Variants in AGBL3 observed in about 807,000 individuals in gnomAD.
The protein encoded by AGBL3 is AGBL carboxypeptidase 3, also known as cytosolic carboxypeptidase 3.
In AGBL3, 68 loss-of-function variants were observed where a neutral mutation model predicts 94.5. That is an observed-to-expected ratio of 0.72 (90% CI 0.59 to 0.88). The LOEUF (loss-of-function observed/expected upper bound fraction) is 0.88. Ranked by LOEUF, AGBL3 falls within the 40% of genes least tolerant of loss-of-function variation. The pLI, the probability that AGBL3 is intolerant of heterozygous loss-of-function variation, is 0.00. For synonymous variants in AGBL3, 354 were observed against 370.7 expected (o/e 0.95, Z 0.52); for missense variants, 934 against 1,103.8 (o/e 0.85, Z 2.18).
intron 5 of AGBL3, among the ~76,000 whole-genome samples, chr7:135,030,374 T>C (rs1312031405): frequency 6.6e-6 from 1 of 152,190 alleles, no homozygotes; most frequent in Non-Finnish European, 1.5e-5. Context: ...ATGATGGATT[T>C]ATTGGGTATA....
chr7:135,017,090 A>G lies in AGBL3; in HGVS notation c.349A>G (p.Thr117Ala). 3 of 1,551,046 alleles carry G rather than the reference A, an allele frequency of 1.9e-6. No homozygotes were observed. The highest frequency in any genetic ancestry group is 2.6e-6 in the Non-Finnish European group (3 of 1,146,106). Residue 117 changes from threonine (T) to alanine (A), a missense_variant, in exon 5 of 17, where the codon ACG (threonine) becomes GCG (alanine). By Grantham distance (58) the Thr-to-Ala change is moderately conservative (BLOSUM62 0). Coordinates refer to ENST00000436302, the MANE Select transcript of AGBL3 (RefSeq NM_178563.4). ...PSCPEPVYIP[T>A]GLETEPLYPD... ...TTGTCCTGAGCCAGTGTATATCCCA[A>G]CGGGCTTAGAAACGGAACCCCTTTA...
chr7:135,102,397 AAT>A (rs1281955815), intron 15 of AGBL3, among the ~76,000 whole-genome samples: 3 of 152,196 alleles, frequency 2.0e-5, no homozygotes, highest in Non-Finnish European at 1.5e-5. Flanking sequence ...ATTCTTAAAA[AAT>A]GTTAATAATA....
intron 4 of AGBL3, among the ~76,000 whole-genome samples, chr7:134,997,682 G>A (rs971312974): frequency 6.6e-6 from 1 of 152,138 alleles, no homozygotes; most frequent in African/African-American, 2.4e-5. Flanking sequence ...CATAGCCCAA[G>A]GTCCCAGGTA....
rs112820032 is a variant in AGBL3, at chr7:135,119,527, T to C, written c.2342+3916T>C. On this transcript the variant is annotated intron_variant, in intron 16 of 16. Coordinates refer to ENST00000436302, the MANE Select transcript of AGBL3 (RefSeq NM_178563.4). Reference sequence around the variant, plus strand: ...TTACAGGCATGAGCCACCATGCCCATTCCCCAAAATTTAACTTCTGAAAAT... The same window carrying C: ...TTACAGGCATGAGCCACCATGCCCACTCCCCAAAATTTAACTTCTGAAAAT... Among the ~76,000 whole-genome samples, 320 of 149,262 alleles carry C rather than the reference T, an allele frequency of 2.1e-3. 1 individual carries two copies. Among genetic ancestry groups the C allele is most frequent in the African/African-American group, 7.3e-3 (300 of 40,908 alleles).
intron 4 of AGBL3, among the ~76,000 whole-genome samples, chr7:134,997,350 A>G (rs1811138809): frequency 6.6e-6 from 1 of 152,148 alleles, no homozygotes; most frequent in South Asian, 2.1e-4. Context: ...GGTTGGGGAC[A>G]CTTGCTATGC....
chr7:135,107,191 G>T (rs1460226149), intron 15 of AGBL3, among the ~76,000 whole-genome samples: 2 of 151,692 alleles, frequency 1.3e-5, no homozygotes, highest in Non-Finnish European at 2.9e-5. Flanking sequence ...ATTTTCAATG[G>T]CTTTTTCATG....
Position 135,044,089 on chromosome 7 carries a change from T to C in AGBL3, c.1565T>C (p.Met522Thr). Residue 522 changes from methionine (M) to threonine (T), a missense_variant, in exon 9 of 17, where the codon ATG becomes ACG. Met to Thr is a moderately conservative substitution (Grantham distance 81, BLOSUM62 -1). Transcript: ENST00000436302. ...AAAGAAGGAACAGGAAGGGTGGTAATGTGGAAAATGGGAATCAGGAACAGC... is the reference window on the plus strand; with the variant it reads ...AAAGAAGGAACAGGAAGGGTGGTAACGTGGAAAATGGGAATCAGGAACAGC... ...KSKEGTGRVV[M>T]WKMGIRNSFT... 3 of 1,550,926 alleles carry C rather than the reference T, an allele frequency of 1.9e-6. No individual in the cohort carries two copies. The highest frequency in any genetic ancestry group is 2.6e-6 in the Non-Finnish European group (3 of 1,146,316).
intron 16 of AGBL3, chr7:135,129,744 C>G (rs1283788821): frequency 1.1e-5 from 8 of 701,766 alleles, no homozygotes; most frequent in Middle Eastern, 4.2e-4. Flanking sequence ...AATCTTTTGT[C>G]AAGTACACAA....
intron 16 of AGBL3, among the ~76,000 whole-genome samples, chr7:135,126,779 T>C (rs1827933740): frequency 6.6e-6 from 1 of 152,238 alleles, no homozygotes; most frequent in African/African-American, 2.4e-5. Context: ...AAGGATTCCC[T>C]GTTCAATAAG....
intron 11 of AGBL3, among the ~76,000 whole-genome samples, chr7:135,051,523 A>G (rs1381424684): frequency 6.6e-6 from 1 of 152,078 alleles, no homozygotes; most frequent in Admixed American, 6.6e-5. Flanking sequence ...TTTCTCTCAG[A>G]AGTCCTGGTT....
chr7:135,108,385 T>C (rs1180957407), intron 15 of AGBL3, among the ~76,000 whole-genome samples: 1 of 152,214 alleles, frequency 6.6e-6, no homozygotes, highest in African/African-American at 2.4e-5. Flanking sequence ...TCAAGATCTC[T>C]TATAAGGTGG....
intron 2 of AGBL3, chr7:134,988,339 C>G (rs902529102): frequency 4.8e-6 from 1 of 208,876 alleles, no homozygotes; most frequent in Non-Finnish European, 9.5e-6. Flanking sequence ...TGTGTTACAT[C>G]GTAGTATGAA....
rs1563260330 is a variant in AGBL3, at chr7:135,096,606, T to TAGATAGATAGATAGAC, written c.2110+14831_2110+14832insCAGATAGATAGATAGA. On this transcript the variant is annotated intron_variant, in intron 15 of 16. Coordinates refer to ENST00000436302, the MANE Select transcript of AGBL3 (RefSeq NM_178563.4). Reference sequence around the variant, plus strand: ...ATACATAGATAGATAGATAGATAGATAGATAGATAGATAGATAGGGCTATT... The same window carrying TAGATAGATAGATAGAC: ...ATACATAGATAGATAGATAGATAGATAGATAGATAGATAGACAGATAGATAGATAGATAGGGCTATT... 9.7e-5 allele frequency among the ~76,000 whole-genome samples: 13 copies of TAGATAGATAGATAGAC among 134,412 alleles called. 1 individual carries two copies. The highest frequency in any genetic ancestry group is 8.2e-4 in the Admixed American group (11 of 13,386). 88.2% of individuals were successfully genotyped at this position (134,412 alleles called of 152,430 possible). A position where few individuals can be genotyped will look rare whatever the true frequency, so the allele number is the denominator to read the frequency against.
At chr7:135,111,569 C>A (rs116369038) in intron 15 of AGBL3, among the ~76,000 whole-genome samples, 1 of 151,530 alleles carries the variant, frequency 6.6e-6, no homozygotes, top group East Asian at 2.0e-4. Context: ...ATGTTGTACA[C>A]GTCTGTTTTT....
chr7:135,031,010 TG>T (rs1437736979), intron 5 of AGBL3, among the ~76,000 whole-genome samples: 5 of 152,054 alleles, frequency 3.3e-5, no homozygotes, highest in South Asian at 2.1e-4. Flanking sequence ...GGTTCAGTTT[TG>T]TTTTTTTTGT....
chr7:135,105,788 A>T (rs185811118), intron 15 of AGBL3, among the ~76,000 whole-genome samples: 1 of 152,254 alleles, frequency 6.6e-6, no homozygotes, highest in East Asian at 1.9e-4. Flanking sequence ...TGTCATTGGT[A>T]GTTTGATAGG....
At chr7:135,003,938 T>G (rs1031118801) in intron 4 of AGBL3, among the ~76,000 whole-genome samples, 1 of 151,568 alleles carries the variant, frequency 6.6e-6, no homozygotes, top group African/African-American at 2.4e-5. Context: ...ATACCTTATA[T>G]TTCTTTTTTG....
At chr7:135,031,199 T>C (rs1815703375) in intron 5 of AGBL3, among the ~76,000 whole-genome samples, 2 of 152,206 alleles carry the variant, frequency 1.3e-5, no homozygotes, top group Non-Finnish European at 2.9e-5. Context: ...TTTACGTTTT[T>C]ATCATATGTA....
intron 16 of AGBL3, among the ~76,000 whole-genome samples, chr7:135,122,037 A>G (rs1243348114): frequency 6.6e-6 from 1 of 152,210 alleles, no homozygotes; most frequent in African/African-American, 2.4e-5. Flanking sequence ...AGGCATGACC[A>G]GCACCACAGC....
Sources: gnomAD v4.1 joint callset for allele counts (sites outside exome capture counted in the v4.1 genomes callset) on GRCh38, gnomAD v4.1.1 for gene constraint, MANE v1.5 for transcripts, NCBI Gene and HGNC (gene_info 2026-07-23, HGNC 2026-07-21) for gene names.